VWA3B: variants seen among roughly 807,000 people sequenced by gnomAD.
VWA3B encodes von Willebrand factor A domain-containing protein 3B.
In VWA3B, 138 loss-of-function variants were observed where a neutral mutation model predicts 158.3. That is an observed-to-expected ratio of 0.87 (90% CI 0.76 to 1.00). The LOEUF (loss-of-function observed/expected upper bound fraction) is 1.00, where lower values mean the gene tolerates loss of function less well. Among genes scored for constraint, VWA3B ranks in the 50% least tolerant of loss-of-function variants. VWA3B has a pLI of 0.00. For synonymous variants in VWA3B, 596 were observed against 587.3 expected, an observed-to-expected ratio of 1.01 and a Z score of -0.21; for missense variants, 1,555 against 1,565.1, an observed-to-expected ratio of 0.99 and a Z score of 0.11.
chr2:98,248,568 T>C (rs1029315133), intron 19 of VWA3B, among the ~76,000 whole-genome samples: 1 of 152,152 alleles, frequency 6.6e-6, no homozygotes, highest in Admixed American at 6.5e-5. Flanking sequence ...CAGGACCTTC[T>C]TTCAGGGGTG....
chr2:98,207,337 C>A (rs1001572057), intron 12 of VWA3B: 27 of 486,654 alleles, frequency 5.5e-5, no homozygotes, highest in Non-Finnish European at 5.8e-5. Flanking sequence ...ACATGTGGAT[C>A]CTCTGGACTC....
In VWA3B at chr2:98,121,284, T is replaced by C. The variant is rs545867670; in HGVS notation, c.543-15T>C. The C allele has an allele frequency of 3.7e-6, 6 of 1,609,938 alleles. No individual in the cohort carries two copies. The highest frequency in any genetic ancestry group is 2.7e-5 in the African/African-American group (2 of 74,972). On this transcript the variant is annotated splice_polypyrimidine_tract_variant and intron_variant, in intron 4 of 27. Transcript: ENST00000477737. ...TGATCACTGCCCAGTGACCACTCCA[T>C]GTGATCCTTTTCAGGGTTTCTCAAG...
chr2:98,228,147 G>C, intron 14 of VWA3B, 55 bp from the exon 15 acceptor site: 1 of 1,526,584 alleles, frequency 6.6e-7, no homozygotes, highest in Non-Finnish European at 8.8e-7. Context: ...AACATGTTTG[G>C]AATTTGAGCT....
chr2:98,267,724 C>T (rs1179324101), intron 21 of VWA3B, among the ~76,000 whole-genome samples: 1 of 151,916 alleles, frequency 6.6e-6, no homozygotes, highest in Non-Finnish European at 1.5e-5. Context: ...ACACAAAAAA[C>T]CCTTCAAAAA....
intron 22 of VWA3B, 111 bp downstream of exon 22, chr2:98,270,994 TAA>T: frequency 9.0e-7 from 1 of 1,113,930 alleles, no homozygotes; most frequent in Non-Finnish European, 1.3e-6. Context: ...CACTGATTTC[TAA>T]AAGTGTTAGA....
chr2:98,282,570 G>T (rs956258304), intron 22 of VWA3B, among the ~76,000 whole-genome samples: 4 of 151,168 alleles, frequency 2.6e-5, no homozygotes, highest in Non-Finnish European at 4.4e-5. Flanking sequence ...CTGAGTAGCT[G>T]GGATTACAGG....
At chr2:98,258,141 C>T (rs931529092) in intron 21 of VWA3B, among the ~76,000 whole-genome samples, 2 of 151,816 alleles carry the variant, frequency 1.3e-5, no homozygotes, top group African/African-American at 4.8e-5. Flanking sequence ...GGTCTTGGCA[C>T]CCTTGTCAAA....
At chr2:98,322,605 G>T in the VWA3B span, among the ~76,000 whole-genome samples, 1 of 152,350 alleles carries the variant, frequency 6.6e-6, no homozygotes, top group South Asian at 2.1e-4. Context: ...GGAAAGGTCT[G>T]TGTGTTTGCT....
chr2:98,178,073 G>C (rs1680161394), intron 8 of VWA3B, among the ~76,000 whole-genome samples: 1 of 152,156 alleles, frequency 6.6e-6, no homozygotes, highest in Admixed American at 6.5e-5. Flanking sequence ...GTCACCCCAA[G>C]GGTTTCTCCA....
intron 19 of VWA3B, among the ~76,000 whole-genome samples, chr2:98,246,750 T>G (rs2105782797): frequency 6.6e-6 from 1 of 152,268 alleles, no homozygotes; most frequent in East Asian, 1.9e-4. Flanking sequence ...ATAGAAATGG[T>G]ATTACACTGG....
downstream of VWA3B, among the ~76,000 whole-genome samples, chr2:98,315,789 A>G (rs1041512085): frequency 3.9e-5 from 6 of 152,254 alleles, no homozygotes; most frequent in African/African-American, 1.4e-4. Flanking sequence ...TGCACATGAT[A>G]AAAGACAACA....
intron 23 of VWA3B, among the ~76,000 whole-genome samples, chr2:98,294,442 T>C (rs1689683437): frequency 6.6e-6 from 1 of 152,242 alleles, no homozygotes; most frequent in Non-Finnish European, 1.5e-5. Flanking sequence ...CCAGACTGGC[T>C]GTTGCCACTG....
chr2:98,102,221 A>G (rs1359143401), intron 2 of VWA3B, among the ~76,000 whole-genome samples: 4 of 152,258 alleles, frequency 2.6e-5, no homozygotes, highest in Non-Finnish European at 4.4e-5. Context: ...ATCCCAAGGC[A>G]GAAGAATTTT....
intron 14 of VWA3B, among the ~76,000 whole-genome samples, chr2:98,226,580 C>G (rs912194427): frequency 6.6e-6 from 1 of 150,768 alleles, no homozygotes; most frequent in African/African-American, 2.4e-5. Flanking sequence ...TGGACCTCAT[C>G]AAAATTAAAA....
intron 7 of VWA3B, among the ~76,000 whole-genome samples, chr2:98,151,222 C>G (rs545430832): frequency 6.6e-6 from 1 of 151,964 alleles, no homozygotes; most frequent in Non-Finnish European, 1.5e-5. Context: ...AAGCGATTGT[C>G]CTGCCTCAGC....
In VWA3B at chr2:98,125,850, G is replaced by A. The variant is rs1675309100; in HGVS notation, c.703-2389G>A. Among the ~76,000 whole-genome samples the A allele has an allele frequency of 6.6e-6, 1 of 152,122 alleles. No individual in the cohort carries two copies. Among genetic ancestry groups the A allele is most frequent in the Non-Finnish European group, 1.5e-5 (1 of 68,024 alleles). On this transcript the variant is annotated intron_variant, in intron 5 of 27. Transcript: ENST00000477737. The surrounding 1 kb of genome is among the most constrained non-coding windows in gnomAD (Gnocchi z 4.1). ...GGCTAATTTTTCTGTATTTTTAGTA[G>A]AGACGGGGTTTCACTGTGTTAGCCA...
intron 21 of VWA3B, among the ~76,000 whole-genome samples, chr2:98,267,795 A>G (rs894647827): frequency 6.6e-6 from 1 of 152,156 alleles, no homozygotes; most frequent in African/African-American, 2.4e-5. Context: ...ACTACTAGCA[A>G]GACTAATAAA....
intron 13 of VWA3B, among the ~76,000 whole-genome samples, chr2:98,214,219 CACAAAAAAA>C (rs1324297891): frequency 6.0e-5 from 9 of 150,146 alleles, no homozygotes; most frequent in Admixed American, 4.6e-4. Flanking sequence ...AAAAGCAAAA[CACAAAAAAA>C]ACAAAAAAAA....
At position 98,255,415 on chromosome 2, in the gene VWA3B, G is replaced by A. The variant is rs187632447; in HGVS notation, c.2793-709G>A. ...CCTGCAGCTCAGAAAGCCTGCTTTT[G>A]GGTAATGATGTCCTGACATGATGAC... is the stretch of plus-strand genomic sequence containing the variant. On this transcript the variant is annotated intron_variant, in intron 20 of 27. Transcript: ENST00000477737. Among the ~76,000 whole-genome samples, 215 of 151,624 alleles carry A rather than the reference G, an allele frequency of 1.4e-3. 1 individual carries two copies. Among genetic ancestry groups the A allele is most frequent in the Middle Eastern group, 3.4e-3 (1 of 294 alleles).
Sources: allele counts gnomAD v4.1 joint callset (sites outside exome capture counted in the v4.1 genomes callset), GRCh38; gene constraint gnomAD v4.1.1; non-coding constraint Gnocchi (gnomAD v3.1); transcripts MANE v1.5; gene names NCBI Gene and HGNC (gene_info 2026-07-23, HGNC 2026-07-21).